CKLF: variants seen among roughly 807,000 people sequenced by gnomAD.
The protein encoded by CKLF is chemokine-like factor.
In CKLF, 16 loss-of-function variants were observed where a neutral mutation model predicts 12.9. The ratio of observed to expected loss-of-function variants is 1.24; its 90% CI spans 0.84 to 1.88. The LOEUF is 1.88. CKLF is among the 40% of genes most tolerant of loss of function. The probability of loss-of-function intolerance (pLI) is 0.00; values close to 1 mark genes in which losing one functional copy is unlikely to be tolerated. For synonymous variants in CKLF, 61 were observed against 69.0 expected (o/e 0.88, Z 0.57); for missense variants, 172 against 188.5 (o/e 0.91, Z 0.51).
At chr16:66,553,620 A>G (rs1664953232) in intron 1 of CKLF, 1 of 152,232 alleles carries the variant, frequency 6.6e-6, no homozygotes, top group South Asian at 2.1e-4. Context: ...GAAAAAATAA[A>G]TCATTTTAAG....
chr16:66,553,708 G>A (rs1246066842), intron 1 of CKLF, among the ~76,000 whole-genome samples: 1 of 152,192 alleles, frequency 6.6e-6, no homozygotes, highest in Non-Finnish European at 1.5e-5. Flanking sequence ...TTAATGTGAG[G>A]AGGAATCTTA....
chr16:66,562,229 C>T (rs1400236282), intron 2 of CKLF, among the ~76,000 whole-genome samples: 3 of 152,082 alleles, frequency 2.0e-5, no homozygotes, highest in African/African-American at 4.8e-5. Context: ...GAACTACAGG[C>T]GCTCACCACC....
chr16:66,563,141 T>G lies in CKLF; in HGVS notation c.257T>G (p.Val86Gly). ...WPLLDIINSL[V>G]TTVFMLIVSV... ...TTTTAGGATATTATCAACTCACTGG[T>G]AACAACAGTATTCATGCTCATCGTA... is the stretch of plus-strand genomic sequence containing the variant. The change falls in exon 3 of 4, where the codon GTA becomes GGA. Residue 86 changes from valine (V) to glycine (G), a missense_variant. Transcript: ENST00000264001. The G allele has an allele frequency of 3.1e-6, 5 of 1,614,156 alleles. No individual in the cohort carries two copies. The highest frequency in any genetic ancestry group is 4.2e-6 in the Non-Finnish European group (5 of 1,180,026).
At chr16:66,560,628 G>C (rs1213123775) in intron 2 of CKLF, among the ~76,000 whole-genome samples, 1 of 152,102 alleles carries the variant, frequency 6.6e-6, no homozygotes, top group Non-Finnish European at 1.5e-5. Flanking sequence ...GGCCACAATA[G>C]CTCAGAGAGA....
At chr16:66,555,050 A>G (rs867493230) in intron 1 of CKLF, among the ~76,000 whole-genome samples, 21 of 152,172 alleles carry the variant, frequency 1.4e-4, no homozygotes, top group Admixed American at 2.6e-4. Context: ...CCTGACCAAC[A>G]TGGTGAAACC....
chr16:66,562,334 A>G (rs926785956), intron 2 of CKLF, among the ~76,000 whole-genome samples: 3 of 152,312 alleles, frequency 2.0e-5, no homozygotes, highest in African/African-American at 7.2e-5. Context: ...GATTACAGAC[A>G]TGCACCACAG....
intron 1 of CKLF, among the ~76,000 whole-genome samples, chr16:66,553,769 C>G (rs2011291826): frequency 6.6e-6 from 1 of 152,152 alleles, no homozygotes; most frequent in Admixed American, 6.5e-5. Flanking sequence ...GCAGTACATT[C>G]CCAGACAAAA....
At chr16:66,560,520 A>G (rs2011634056) in intron 2 of CKLF, among the ~76,000 whole-genome samples, 1 of 152,212 alleles carries the variant, frequency 6.6e-6, no homozygotes, top group Non-Finnish European at 1.5e-5. Flanking sequence ...CTTAAAAGAT[A>G]TTCATATGGA....
In CKLF at chr16:66,565,924, C is replaced by G. The variant is rs755740119; in HGVS notation, c.372C>G (p.Asp124Glu). Residue 124 changes from aspartate (D) to glutamate (E), a missense_variant, in exon 4 of 4, where the codon GAC becomes GAG. By Grantham distance (45) the Asp-to-Glu change is conservative. Coordinates refer to ENST00000264001, the MANE Select transcript of CKLF (RefSeq NM_016951.4). ...TGACAGCAGTATGCTGTCTTGCCGACGGGGCCCTTATTTACCGGAAGCTTC... is the reference window on the plus strand; with the variant it reads ...TGACAGCAGTATGCTGTCTTGCCGAGGGGGCCCTTATTTACCGGAAGCTTC... ...ALVTAVCCLA[D>E]GALIYRKLLF... The G allele has an allele frequency of 6.2e-7, 1 of 1,614,044 alleles. No individual in the cohort carries two copies. Among genetic ancestry groups the G allele is most frequent in the East Asian group, 2.2e-5 (1 of 44,890 alleles).
intron 1 of CKLF, among the ~76,000 whole-genome samples, chr16:66,554,061 C>T (rs969743060): frequency 6.6e-6 from 1 of 152,180 alleles, no homozygotes; most frequent in African/African-American, 2.4e-5. Flanking sequence ...ATCTTGAACA[C>T]TGAAGGGGGA....
intron 1 of CKLF, among the ~76,000 whole-genome samples, chr16:66,553,181 A>ACAAAAAAAAC (rs1567548043): frequency 2.0e-5 from 3 of 151,682 alleles, no homozygotes; most frequent in Admixed American, 6.6e-5. Context: ...ACAAAAAAAA[A>ACAAAAAAAAC]CCCTTTTTTT....
chr16:66,553,156 T>C (rs2011253022), intron 1 of CKLF, among the ~76,000 whole-genome samples: 1 of 115,776 alleles, frequency 8.6e-6, no homozygotes, highest in Admixed American at 8.8e-5. Context: ...AGGTCCTGCC[T>C]CTTTAAAAAC....
chr16:66,563,104 T>C lies in CKLF; in HGVS notation c.238-18T>C. 6.2e-7 allele frequency: 1 copy of C among 1,613,912 alleles called. No homozygotes were observed. Among genetic ancestry groups the C allele is most frequent in the South Asian group, 1.1e-5 (1 of 91,036 alleles). Reference sequence around the variant, plus strand: ...TGGTAGTCTTCATGTAAGGCTCAGCTTTATTGTGTGTTTTTAGGATATTAT... The same window carrying C: ...TGGTAGTCTTCATGTAAGGCTCAGCCTTATTGTGTGTTTTTAGGATATTAT... On this transcript the variant is annotated intron_variant, in intron 2 of 3. Transcript: ENST00000264001.
rs1228731597 is a variant in CKLF, at chr16:66,552,585, C to CTGGGCGAGAAGT, written c.-131_-130insTGGGCGAGAAGT. 2.1e-6 allele frequency: 3 copies of CTGGGCGAGAAGT among 1,438,278 alleles called. No homozygotes were observed. The African/African-American group carries it at 4.2e-5, about 20-fold the overall frequency. 89.1% of individuals were successfully genotyped at this position (1,438,278 alleles called of 1,614,324 possible). On this transcript the variant is annotated 5_prime_UTR_variant, in exon 1 of 4. Transcript: ENST00000264001. ...CGCATGCGCGCAAGAGAGCGGGAAG[C>CTGGGCGAGAAGT]CGAGCTGGGCGAGAAGTAGGGGAGG...
intron 1 of CKLF, chr16:66,553,322 C>G (rs535473055): frequency 1.2e-4 from 18 of 152,296 alleles, no homozygotes; most frequent in African/African-American, 4.1e-4. Context: ...AAAAAAAAGC[C>G]TCAGGGGTTT....
intron 3 of CKLF, among the ~76,000 whole-genome samples, chr16:66,564,348 A>T (rs1461413682): frequency 2.0e-5 from 3 of 152,158 alleles, no homozygotes; most frequent in African/African-American, 7.2e-5. Context: ...AATTTCAAAG[A>T]TTTATTACCC....
At chr16:66,561,252 T>A (rs1244047360) in intron 2 of CKLF, among the ~76,000 whole-genome samples, 1 of 151,966 alleles carries the variant, frequency 6.6e-6, no homozygotes. Flanking sequence ...GCAGGCCTTC[T>A]CTGATTGTTC....
intron 1 of CKLF, among the ~76,000 whole-genome samples, chr16:66,554,631 G>A (rs1235596508): frequency 1.3e-5 from 2 of 152,212 alleles, no homozygotes; most frequent in Non-Finnish European, 2.9e-5. Context: ...GCAGTGGAAC[G>A]AGAAAAGTAA....
At chr16:66,565,785 C>A in intron 3 of CKLF, 101 bp from the exon 4 acceptor site, 1 of 1,062,034 alleles carries the variant, frequency 9.4e-7, no homozygotes, top group Non-Finnish European at 1.5e-6. Flanking sequence ...ATCCGAGTAC[C>A]CTAGCAAGAG....
Sources: allele counts gnomAD v4.1 joint callset (sites outside exome capture counted in the v4.1 genomes callset), GRCh38; gene constraint gnomAD v4.1.1; transcripts MANE v1.5; gene names NCBI Gene and HGNC (gene_info 2026-07-23, HGNC 2026-07-21).